The following TOX2 variants were observed in gnomAD, a reference collection of about 807,000 sequenced individuals.
TOX2 encodes granulosa cell HMG box 1.
Under a neutral mutation model 47.4 loss-of-function variants are expected in TOX2, and 15 were observed. The ratio of observed to expected loss-of-function variants is 0.32; its 90% confidence interval spans 0.21 to 0.49. TOX2 has a LOEUF of 0.49. Ranked by LOEUF, TOX2 falls within the 20% of genes least tolerant of loss-of-function variation. The pLI is 0.99. For synonymous variants in TOX2, 290 were observed against 296.6 expected (o/e 0.98, Z 0.23); for missense variants, 622 against 673.1 (o/e 0.92, Z 0.84).
At chr20:44,034,784 G>T (rs2071213516) in intron 3 of TOX2, among the ~76,000 whole-genome samples, 2 of 152,168 alleles carry the variant, frequency 1.3e-5, no homozygotes, top group East Asian at 3.8e-4. Context: ...AGTGTGGTGG[G>T]CTGGAAGAGA....
chr20:43,957,678 G>C (rs573592467), intron 1 of TOX2, among the ~76,000 whole-genome samples: 5 of 150,684 alleles, frequency 3.3e-5, no homozygotes, highest in South Asian at 2.1e-4. Flanking sequence ...TGAGGCCTCT[G>C]TATTAGTTTG....
intron 2 of TOX2, among the ~76,000 whole-genome samples, chr20:43,979,984 TA>T (rs1283934538): frequency 6.6e-6 from 1 of 152,118 alleles, no homozygotes; most frequent in Non-Finnish European, 1.5e-5. Flanking sequence ...CTCAAAAAAC[TA>T]AAAATAGAGC....
At chr20:44,050,493 T>C (rs1224675457) in intron 3 of TOX2, among the ~76,000 whole-genome samples, 2 of 152,204 alleles carry the variant, frequency 1.3e-5, no homozygotes, top group Admixed American at 6.5e-5. Context: ...CGTAAGAGTA[T>C]GCAAATAGGT....
intron 1 of TOX2, among the ~76,000 whole-genome samples, chr20:43,957,127 T>C (rs1055877161): frequency 6.6e-6 from 1 of 152,284 alleles, no homozygotes; most frequent in African/African-American, 2.4e-5. Flanking sequence ...GAAGTTATCC[T>C]GCTCCACAGA....
At chr20:43,922,666 A>G (rs1235566348) in intron 1 of TOX2, among the ~76,000 whole-genome samples, 1 of 152,242 alleles carries the variant, frequency 6.6e-6, no homozygotes, top group Non-Finnish European at 1.5e-5. Flanking sequence ...TAATGAAATG[A>G]TGTTGTATGA....
chr20:43,926,839 A>G (rs895538879), intron 1 of TOX2, among the ~76,000 whole-genome samples: 18 of 152,220 alleles, frequency 1.2e-4, no homozygotes, highest in African/African-American at 4.1e-4. Context: ...GCCTGCCAGC[A>G]AGGCACGTGA....
chr20:44,010,455 A>G (rs1203363256), intron 3 of TOX2, among the ~76,000 whole-genome samples: 1 of 152,240 alleles, frequency 6.6e-6, no homozygotes, highest in African/African-American at 2.4e-5. Flanking sequence ...GTCATGAAAG[A>G]TAAGCCAAAC....
At chr20:44,025,075 C>A (rs1295199541) in intron 3 of TOX2, among the ~76,000 whole-genome samples, 1 of 152,144 alleles carries the variant, frequency 6.6e-6, no homozygotes, top group Non-Finnish European at 1.5e-5. Context: ...TGTTGATGGA[C>A]ATTTAGGCTA....
At chr20:43,988,401 AAC>A (rs1461194078) in intron 2 of TOX2, among the ~76,000 whole-genome samples, 2 of 152,218 alleles carry the variant, frequency 1.3e-5, no homozygotes, top group African/African-American at 4.8e-5. Context: ...AGCAAATACA[AAC>A]ACAACTTGTA....
chr20:43,989,864 G>A (rs1437973661), intron 2 of TOX2, among the ~76,000 whole-genome samples: 4 of 152,040 alleles, frequency 2.6e-5, no homozygotes, highest in Non-Finnish European at 5.9e-5. Context: ...GCTTCATGTG[G>A]TGCCTCTGGC....
rs6147358 is a variant in TOX2, at chr20:44,026,228, G to GATATATATATATATATATATATATATAT, written c.411+19457_411+19458insTATATATATATATATATATATATATATA. Among the ~76,000 whole-genome samples, 117 of 59,984 alleles carry GATATATATATATATATATATATATATAT rather than the reference G, an allele frequency of 2.0e-3. 5 individuals carry two copies. Among genetic ancestry groups the GATATATATATATATATATATATATATAT allele is most frequent in the Non-Finnish European group, 2.4e-3 (78 of 32,100 alleles). 39.4% of individuals were successfully genotyped at this position (59,984 alleles called of 152,430 possible). A position where few individuals can be genotyped will look rare whatever the true frequency, so the allele number is the denominator to read the frequency against. Reference sequence around the variant, plus strand: ...TCGATCGAGTGGATAAAGAAACTGTGATATATATATATATATATATAGACA... The same window carrying GATATATATATATATATATATATATATAT: ...TCGATCGAGTGGATAAAGAAACTGTGATATATATATATATATATATATATATATATATATATATATATATATATAGACA... On this transcript the variant is annotated intron_variant, in intron 3 of 8. Coordinates refer to ENST00000341197, the MANE Select transcript of TOX2 (RefSeq NM_001098797.2).
At chr20:43,975,514 G>A (rs948768209) in intron 2 of TOX2, among the ~76,000 whole-genome samples, 1 of 152,168 alleles carries the variant, frequency 6.6e-6, no homozygotes, top group African/African-American at 2.4e-5. Flanking sequence ...CAGCCAGGGA[G>A]CACTAGAGCT....
In TOX2 at chr20:44,018,747, G is replaced by A. The variant is rs192123773; in HGVS notation, c.411+11955G>A. On this transcript the variant is annotated intron_variant, in intron 3 of 8. Coordinates refer to ENST00000341197, the MANE Select transcript of TOX2 (RefSeq NM_001098797.2). ...TATTAAAGCTCCAGGAGAGAGTGTC[G>A]GGGGACTATGGAAGACTGGAGGCTG... Among the ~76,000 whole-genome samples the A allele has an allele frequency of 7.4e-4, 112 of 152,244 alleles. 1 individual carries two copies. Among genetic ancestry groups the A allele is most frequent in the Non-Finnish European group, 7.4e-5 (5 of 68,014 alleles).
chr20:44,035,883 G>A (rs901762374), intron 3 of TOX2, among the ~76,000 whole-genome samples: 2 of 152,248 alleles, frequency 1.3e-5, no homozygotes, highest in African/African-American at 4.8e-5. Context: ...GCAGCCTGGG[G>A]CAGAGAGAGA....
intron 3 of TOX2, among the ~76,000 whole-genome samples, chr20:44,023,924 C>A (rs971481268): frequency 1.3e-5 from 2 of 152,218 alleles, no homozygotes; most frequent in East Asian, 1.9e-4. Context: ...CCAGCACTCA[C>A]CCCCTTCCCT....
intron 2 of TOX2, among the ~76,000 whole-genome samples, chr20:44,002,156 T>C (rs1384912966): frequency 6.6e-6 from 1 of 152,088 alleles, no homozygotes; most frequent in Non-Finnish European, 1.5e-5. Context: ...AGTCGCCACC[T>C]CCAGGAAGCC....
intron 7 of TOX2, among the ~76,000 whole-genome samples, chr20:44,066,434 G>A (rs995318589): frequency 6.6e-6 from 1 of 152,134 alleles, no homozygotes; most frequent in African/African-American, 2.4e-5. Context: ...AGATTGCTAC[G>A]AGGTTCACAT....
At chr20:44,053,439 T>TATATATACACAC (rs373458500) in intron 4 of TOX2, among the ~76,000 whole-genome samples, 1 of 143,108 alleles carries the variant, frequency 7.0e-6, no homozygotes, top group African/African-American at 2.6e-5. Flanking sequence ...GGCAGATATA[T>TATATATACACAC]ACACACACAC....
intron 3 of TOX2, chr20:44,038,907 C>A (rs930975238): frequency 1.3e-5 from 15 of 1,156,952 alleles, no homozygotes; most frequent in Non-Finnish European, 1.5e-5. Context: ...TTAAGCTCTG[C>A]GATCCTAATT....
Sources: gnomAD v4.1 joint callset for allele counts (sites outside exome capture counted in the v4.1 genomes callset) on GRCh38, gnomAD v4.1.1 for gene constraint, MANE v1.5 for transcripts, NCBI Gene and HGNC (gene_info 2026-07-23, HGNC 2026-07-21) for gene names.